OLA1: variants seen among roughly 807,000 people sequenced by gnomAD.
OLA1 encodes Obg like ATPase 1.
In OLA1, 14 loss-of-function variants were observed where a neutral mutation model predicts 48.4. That is an observed-to-expected ratio of 0.29 (90% CI 0.19 to 0.45). The LOEUF (loss-of-function observed/expected upper bound fraction) is 0.45, where lower values mean the gene tolerates loss of function less well. Ranked by LOEUF, OLA1 falls within the 20% of genes least tolerant of loss-of-function variation. The probability of loss-of-function intolerance (pLI) is 1.00; values close to 1 mark genes in which losing one functional copy is unlikely to be tolerated. For missense variants in OLA1, 325 were observed against 467.1 expected (o/e 0.70, Z 2.80); for synonymous variants, 127 against 150.4 (o/e 0.84, Z 1.14).
intron 3 of OLA1, 150 bp downstream of exon 3, chr2:174,229,158 G>C: frequency 1.3e-6 from 1 of 767,726 alleles, no homozygotes; most frequent in Non-Finnish European, 2.1e-6. Flanking sequence ...ACAGGTGTGA[G>C]CCACCGCACC....
intron 2 of OLA1, among the ~76,000 whole-genome samples, chr2:174,235,004 C>T (rs985841180): frequency 6.6e-5 from 10 of 151,884 alleles, no homozygotes; most frequent in Non-Finnish European, 1.3e-4. Context: ...ACTAAAAATA[C>T]AAAAATTAGC....
At chr2:174,186,772 G>T (rs868623128) in intron 4 of OLA1, among the ~76,000 whole-genome samples, 7 of 152,228 alleles carry the variant, frequency 4.6e-5, no homozygotes, top group Middle Eastern at 3.4e-3. Flanking sequence ...AAGAAAAAAA[G>T]GAAATGTTTA....
intron 7 of OLA1, among the ~76,000 whole-genome samples, chr2:174,089,959 A>G (rs1558948280): frequency 6.6e-6 from 1 of 151,912 alleles, no homozygotes; most frequent in Non-Finnish European, 1.5e-5. Flanking sequence ...TAACCTCAAT[A>G]CCTGGGGAAA....
intron 4 of OLA1, among the ~76,000 whole-genome samples, chr2:174,218,988 ATT>A (rs760419464): frequency 6.1e-4 from 53 of 86,382 alleles, no homozygotes; most frequent in Admixed American, 2.1e-3. Context: ...AGGCCGGCTA[ATT>A]TTTTTTTTTT....
chr2:174,198,244 A>G (rs1687922042), intron 4 of OLA1, among the ~76,000 whole-genome samples: 1 of 152,142 alleles, frequency 6.6e-6, no homozygotes, highest in East Asian at 1.9e-4. Flanking sequence ...TACAGGCATG[A>G]GCCACCGTGC....
chr2:174,079,174 T>G (rs912682410), intron 9 of OLA1, 84 bp from the exon 10 acceptor site: 3 of 1,218,894 alleles, frequency 2.5e-6, no homozygotes, highest in African/African-American at 3.1e-5. Context: ...TGATCTGCAG[T>G]TGGGCTCAAC....
intron 7 of OLA1, among the ~76,000 whole-genome samples, chr2:174,106,859 A>C (rs979384551): frequency 2.0e-5 from 3 of 152,156 alleles, no homozygotes; most frequent in Non-Finnish European, 4.4e-5. Context: ...CTTATTGTGA[A>C]TCTTCAGCAA....
intron 10 of OLA1, among the ~76,000 whole-genome samples, chr2:174,076,132 C>G (rs997462395): frequency 1.3e-4 from 20 of 152,176 alleles, no homozygotes; most frequent in Non-Finnish European, 2.8e-4. Context: ...CAAGGAGACT[C>G]TAACAGGTTG....
chr2:174,178,958 C>T (rs987774997), intron 4 of OLA1, among the ~76,000 whole-genome samples: 1 of 151,748 alleles, frequency 6.6e-6, no homozygotes, highest in Non-Finnish European at 1.5e-5. Context: ...AGAAAGATGC[C>T]ATATCTTATC....
intron 4 of OLA1, among the ~76,000 whole-genome samples, chr2:174,195,134 T>C (rs1687856182): frequency 1.3e-5 from 2 of 152,136 alleles, no homozygotes; most frequent in Non-Finnish European, 2.9e-5. Flanking sequence ...AGGTAAGACA[T>C]TAAGACTTAT....
intron 5 of OLA1, among the ~76,000 whole-genome samples, chr2:174,133,012 T>C (rs1686219444): frequency 6.6e-6 from 1 of 152,238 alleles, no homozygotes; most frequent in Non-Finnish European, 1.5e-5. Context: ...TTTGAGGTTA[T>C]ATTATTATGC....
intron 4 of OLA1, among the ~76,000 whole-genome samples, chr2:174,205,414 C>G (rs1688090014): frequency 6.6e-6 from 1 of 152,062 alleles, no homozygotes; most frequent in Non-Finnish European, 1.5e-5. Context: ...AACACTATTC[C>G]CAGAAATCTA....
Position 174,179,019 on chromosome 2 carries a change from T to C in OLA1, c.374-37019A>G, listed in dbSNP as rs1484561095. On this transcript the variant is annotated intron_variant, in intron 4 of 10. Transcript: ENST00000284719. ...TTGGTTTAGTTTATGATCTGAGCTA[T>C]ATAACTTATATTAAAACTATATTAG... 8.5e-5 allele frequency among the ~76,000 whole-genome samples: 13 copies of C among 152,072 alleles called. No homozygotes were observed. In the East Asian group the frequency reaches 1.5e-3, roughly 18 times the overall value.
intron 5 of OLA1, among the ~76,000 whole-genome samples, chr2:174,127,921 G>A (rs1331503268): frequency 6.6e-6 from 1 of 151,946 alleles, no homozygotes. Context: ...TAATAGGGAT[G>A]TTGGAGAATA....
At chr2:174,141,740 A>G in intron 5 of OLA1, 85 bp downstream of exon 5, 2 of 989,022 alleles carry the variant, frequency 2.0e-6, no homozygotes, top group Non-Finnish European at 3.0e-6. Context: ...TAACAATATT[A>G]GATGTATCAT....
Position 174,230,351 on chromosome 2 carries a change from G to A in OLA1, c.102-900C>T, listed in dbSNP as rs565735169. Among the ~76,000 whole-genome samples, 7 of 152,254 alleles carry A rather than the reference G, an allele frequency of 4.6e-5. No individual in the cohort carries two copies. In the East Asian group the frequency reaches 1.3e-3, roughly 29 times the overall value. On this transcript the variant is annotated intron_variant, in intron 2 of 10. Coordinates refer to ENST00000284719, the MANE Select transcript of OLA1 (RefSeq NM_013341.5). ...TGAAGACTGTTAAAGTGGTTACCGT[G>A]TCTTTCCTATAGAAACTGTACTTTC... is the stretch of plus-strand genomic sequence containing the variant.
intron 7 of OLA1, among the ~76,000 whole-genome samples, chr2:174,087,738 T>C (rs925509259): frequency 6.6e-6 from 1 of 152,186 alleles, no homozygotes; most frequent in Non-Finnish European, 1.5e-5. Flanking sequence ...AAGAAACTTA[T>C]TGTATTATTT....
intron 4 of OLA1, among the ~76,000 whole-genome samples, chr2:174,215,761 A>G (rs150928134): frequency 5.6e-4 from 85 of 152,354 alleles, no homozygotes; most frequent in African/African-American, 1.9e-3. Flanking sequence ...ATATAAAATC[A>G]TAACTGCATA....
intron 7 of OLA1, 131 bp downstream of exon 7, chr2:174,123,049 C>A (rs1685952997): frequency 1.8e-6 from 1 of 559,460 alleles, no homozygotes; most frequent in South Asian, 2.4e-5. Context: ...GCTTTCTCAT[C>A]CATTTTAAAC....
Sources: gnomAD v4.1 joint callset for allele counts (sites outside exome capture counted in the v4.1 genomes callset) on GRCh38, gnomAD v4.1.1 for gene constraint, MANE v1.5 for transcripts, NCBI Gene and HGNC (gene_info 2026-07-23, HGNC 2026-07-21) for gene names.